ELOVL7: variants seen among roughly 807,000 people sequenced by gnomAD.
ELOVL7 encodes very long chain fatty acid elongase 7.
Under a neutral mutation model 35.7 loss-of-function variants are expected in ELOVL7, and 27 were observed. That is an observed-to-expected ratio of 0.76 (90% CI 0.56 to 1.04). The LOEUF (loss-of-function observed/expected upper bound fraction) is 1.04, where lower values mean the gene tolerates loss of function less well. ELOVL7 is among the 50% of genes least tolerant of loss of function. The pLI is 0.00. For synonymous variants in ELOVL7, 113 were observed against 114.6 expected (o/e 0.99, Z 0.09); for missense variants, 327 against 340.8 (o/e 0.96, Z 0.32).
At chr5:60,757,353 C>G (rs1019352441) in intron 8 of ELOVL7, among the ~76,000 whole-genome samples, 156 bp downstream of exon 8, 2 of 152,080 alleles carry the variant, frequency 1.3e-5, no homozygotes, top group African/African-American at 4.8e-5. Context: ...GTTCATCTAA[C>G]ATATTAAGAA....
intron 4 of ELOVL7, among the ~76,000 whole-genome samples, chr5:60,771,366 A>G (rs1366112737): frequency 6.6e-6 from 1 of 152,122 alleles, no homozygotes; most frequent in East Asian, 1.9e-4. Context: ...ATGGGAAAAA[A>G]ATTAAGGAAC....
At chr5:60,830,391 T>TAGA (rs1409570479) in intron 1 of ELOVL7, among the ~76,000 whole-genome samples, 1 of 151,876 alleles carries the variant, frequency 6.6e-6, no homozygotes. Flanking sequence ...GCTGCAACAG[T>TAGA]AGAAGGGTAG....
At position 60,754,609 on chromosome 5, in the gene ELOVL7, G is replaced by C; in HGVS notation, c.*15C>G. The C allele has an allele frequency of 6.2e-7, 1 of 1,608,186 alleles. No individual in the cohort carries two copies. On this transcript the variant is annotated 3_prime_UTR_variant, in exon 9 of 9. Coordinates refer to ENST00000508821, the MANE Select transcript of ELOVL7 (RefSeq NM_024930.3). ...AGACAATGTATCAGTTTCGATCATAGACTTATGTTGGGCTTCAATTATCTT... is the reference window on the plus strand; with the variant it reads ...AGACAATGTATCAGTTTCGATCATACACTTATGTTGGGCTTCAATTATCTT...
intron 1 of ELOVL7, among the ~76,000 whole-genome samples, chr5:60,804,230 C>T (rs959319339): frequency 6.6e-5 from 10 of 152,140 alleles, no homozygotes; most frequent in South Asian, 4.1e-4. Context: ...TACTTAATTG[C>T]GCTTATTTTT....
intron 3 of ELOVL7, among the ~76,000 whole-genome samples, chr5:60,784,650 C>T (rs538705810): frequency 2.4e-4 from 37 of 152,054 alleles, no homozygotes; most frequent in Non-Finnish European, 3.5e-4. Context: ...AATTCTTGGC[C>T]CTTGATCATA....
chr5:60,794,550 C>T (rs560276351), intron 2 of ELOVL7, among the ~76,000 whole-genome samples: 10 of 152,318 alleles, frequency 6.6e-5, no homozygotes, highest in South Asian at 4.1e-4. Context: ...GAAATCATGG[C>T]CAACCATTTC....
At chr5:60,841,585 T>A (rs1009958523) in intron 1 of ELOVL7, among the ~76,000 whole-genome samples, 1 of 152,204 alleles carries the variant, frequency 6.6e-6, no homozygotes. Flanking sequence ...CTTCACCTTA[T>A]ACAGGTTTTT....
intron 1 of ELOVL7, among the ~76,000 whole-genome samples, chr5:60,817,156 G>C (rs1745561110): frequency 6.7e-6 from 1 of 149,872 alleles, no homozygotes; most frequent in Non-Finnish European, 1.5e-5. Flanking sequence ...AATCAAAAGA[G>C]AAATGAAACT....
intron 1 of ELOVL7, chr5:60,843,382 CGAACCTGGGAAAGCCCATTTCCCAAA>C (rs1403082443): frequency 9.2e-6 from 1 of 108,552 alleles, no homozygotes; most frequent in Non-Finnish European, 2.3e-5. Flanking sequence ...CATTTCCCAA[CGAACCTGGGAAAGCCCATTTCCCAAA>C]GAACCAACGA....
At chr5:60,796,313 T>C (rs1324498538) in intron 2 of ELOVL7, among the ~76,000 whole-genome samples, 2 of 152,190 alleles carry the variant, frequency 1.3e-5, no homozygotes, top group Non-Finnish European at 2.9e-5. Flanking sequence ...TGAAGTATAT[T>C]AAAACATGGG....
intron 1 of ELOVL7, among the ~76,000 whole-genome samples, chr5:60,815,140 T>C (rs1176394978): frequency 1.3e-5 from 2 of 152,372 alleles, no homozygotes; most frequent in African/African-American, 4.8e-5. Context: ...CAATAATCGG[T>C]CCACATTACT....
At chr5:60,832,396 C>T (rs915840695) in intron 1 of ELOVL7, among the ~76,000 whole-genome samples, 11 of 151,518 alleles carry the variant, frequency 7.3e-5, no homozygotes, top group Admixed American at 2.6e-4. Flanking sequence ...GACGGAGTCT[C>T]GCTCTGTTGC....
At position 60,764,427 on chromosome 5, in the gene ELOVL7, A is replaced by C; in HGVS notation, c.394-95T>G. ...ATTGGCAAAGTGCAAAGTATTTCAT[A>C]TCATAATTTCCTCTAAAAGTGTTGC... is the stretch of plus-strand genomic sequence containing the variant. On this transcript the variant is annotated intron_variant, in intron 6 of 8. Coordinates refer to ENST00000508821, the MANE Select transcript of ELOVL7 (RefSeq NM_024930.3). The C allele has an allele frequency of 4.3e-6, 4 of 936,372 alleles. No homozygotes were observed. The South Asian group carries it at 6.1e-5, about 14-fold the overall frequency. 58.0% of individuals were successfully genotyped at this position (936,372 alleles called of 1,614,324 possible).
At chr5:60,755,499 A>C (rs1741486679) in intron 8 of ELOVL7, among the ~76,000 whole-genome samples, 1 of 152,212 alleles carries the variant, frequency 6.6e-6, no homozygotes, top group Admixed American at 6.5e-5. Flanking sequence ...TCTACTAAAA[A>C]TACAAAAATT....
At chr5:60,756,233 GA>G (rs1237791916) in intron 8 of ELOVL7, among the ~76,000 whole-genome samples, 1 of 150,916 alleles carries the variant, frequency 6.6e-6, no homozygotes, top group Middle Eastern at 3.4e-3. Flanking sequence ...AGTATGCTGA[GA>G]AAAAAAAGCC....
At position 60,795,279 on chromosome 5, in the gene ELOVL7, C is replaced by T. The variant is rs562381544; in HGVS notation, c.-35+3901G>A. ...GACTTCCTAGGCCGACTAAGAATTC[C>T]TAAGCCTAGCTGGGGAAGGTGACTG... On this transcript the variant is annotated intron_variant, in intron 2 of 8. Transcript: ENST00000508821. 3.9e-5 allele frequency among the ~76,000 whole-genome samples: 6 copies of T among 152,246 alleles called. No individual in the cohort carries two copies. The East Asian group carries it at 7.7e-4, about 20-fold the overall frequency.
rs1741389407 is a variant in ELOVL7, at chr5:60,754,060, A to G, written c.*564T>C. ...CTGAAAAGATCCATTGAAAATTATC[A>G]TTAATGATTTTAAATGACAAGTTAT... On this transcript the variant is annotated 3_prime_UTR_variant, in exon 9 of 9. Transcript: ENST00000508821. The G allele has an allele frequency of 6.6e-6, 1 of 152,552 alleles. No individual in the cohort carries two copies. The highest frequency in any genetic ancestry group is 1.5e-5 in the Non-Finnish European group (1 of 68,292). The allele number at this position is 152,552 out of a possible 1,614,324, so 9.4% of individuals were successfully genotyped here. A position where few individuals can be genotyped will look rare whatever the true frequency, so the allele number is the denominator to read the frequency against.
At position 60,766,009 on chromosome 5, in the gene ELOVL7, G is replaced by A. The variant is rs538448656; in HGVS notation, c.393+565C>T. The stretch of plus-strand genomic sequence containing the variant: ...GTGACACGTGCTTCTCCCAAGACCC[G>A]GTCATCCAAGTTCAGAGGCGATCCT... On this transcript the variant is annotated intron_variant, in intron 6 of 8. Transcript: ENST00000508821. Among the ~76,000 whole-genome samples the A allele has an allele frequency of 5.9e-5, 9 of 152,180 alleles. No homozygotes were observed. The South Asian group carries it at 6.2e-4, about 11-fold the overall frequency.
chr5:60,828,075 C>T (rs950902497), intron 1 of ELOVL7, among the ~76,000 whole-genome samples: 2 of 152,152 alleles, frequency 1.3e-5, no homozygotes, highest in African/African-American at 4.8e-5. Flanking sequence ...CAGCTCAAAG[C>T]ACCTCTCACC....
Sources: gnomAD v4.1 joint callset for allele counts (sites outside exome capture counted in the v4.1 genomes callset) on GRCh38, gnomAD v4.1.1 for gene constraint, MANE v1.5 for transcripts, NCBI Gene and HGNC (gene_info 2026-07-23, HGNC 2026-07-21) for gene names.